The following CDH7 variants were observed in gnomAD, a reference collection of about 807,000 sequenced individuals.
CDH7 encodes cadherin-7.
CDH7 carries 25 observed loss-of-function variants against 71.8 expected under a neutral mutation model. That is an observed-to-expected ratio of 0.35 (90% CI 0.25 to 0.49). CDH7 has a LOEUF of 0.49. CDH7 is among the 20% of genes least tolerant of loss of function. The pLI is 0.99. For synonymous variants in CDH7, 381 were observed against 363.8 expected, an observed-to-expected ratio of 1.05 and a Z score of -0.54; for missense variants, 862 against 974.6, an observed-to-expected ratio of 0.88 and a Z score of 1.54.
chr18:65,813,420 A>G (rs542663421), intron 3 of CDH7, among the ~76,000 whole-genome samples: 1 of 152,372 alleles, frequency 6.6e-6, no homozygotes, highest in Non-Finnish European at 1.5e-5. Context: ...GTAATTTTAA[A>G]GAAAATGGAA....
intron 2 of CDH7, among the ~76,000 whole-genome samples, chr18:65,770,421 C>T (rs1416155870): frequency 6.6e-6 from 1 of 152,004 alleles, no homozygotes; most frequent in Non-Finnish European, 1.5e-5. Context: ...CACTTAGAAT[C>T]CTATAAGTTA....
chr18:65,759,507 C>T (rs920942745), intron 1 of CDH7, among the ~76,000 whole-genome samples: 3 of 151,902 alleles, frequency 2.0e-5, no homozygotes, highest in Non-Finnish European at 4.4e-5. Flanking sequence ...CTGACTTGGC[C>T]TCCCGAAGTG....
At chr18:65,850,899 C>A (rs916332743) in intron 7 of CDH7, among the ~76,000 whole-genome samples, 2 of 151,218 alleles carry the variant, frequency 1.3e-5, no homozygotes, top group South Asian at 4.2e-4. Context: ...GCAACTTCCG[C>A]CTTCTGGGCT....
chr18:65,859,008 T>C lies in CDH7; in HGVS notation c.1456T>C (p.Tyr486His), dbSNP rs1913466415. 2.5e-6 allele frequency: 4 copies of C among 1,613,422 alleles called. No homozygotes were observed. Among genetic ancestry groups the C allele is most frequent in the Non-Finnish European group, 2.5e-6 (3 of 1,179,560 alleles). Residue 486 changes from tyrosine to histidine, a missense_variant, in exon 9 of 12, where the codon TAT (tyrosine) becomes CAT (histidine). Tyr to His is a moderately conservative substitution (Grantham distance 83, BLOSUM62 2). Coordinates refer to ENST00000397968, the MANE Select transcript of CDH7 (RefSeq NM_004361.5). Reference sequence around the variant, plus strand: ...TAACGCCCCTGAATTTGCCATGGACTATGAGACCACCGTCTGTGAAAATGC... The same window carrying C: ...TAACGCCCCTGAATTTGCCATGGACCATGAGACCACCGTCTGTGAAAATGC... ...NDNAPEFAMD[Y>H]ETTVCENAQP...
chr18:65,781,864 T>TTCTC lies in CDH7; in HGVS notation c.210+18824_210+18827dup, dbSNP rs199977503. Among the ~76,000 whole-genome samples, 13 of 54,632 alleles carry TTCTC rather than the reference T, an allele frequency of 2.4e-4. 1 individual carries two copies. Among genetic ancestry groups the TTCTC allele is most frequent in the African/African-American group, 7.4e-4 (5 of 6,764 alleles). 35.8% of individuals were successfully genotyped at this position (54,632 alleles called of 152,430 possible). On this transcript the variant is annotated intron_variant, in intron 2 of 11. Coordinates refer to ENST00000397968, the MANE Select transcript of CDH7 (RefSeq NM_004361.5). ...TTTCTTTCTTTCTTTCTTTCTTTCT[T>TTCTC]TCTCTCTCTCTCTCTGTCTCTCTCT...
chr18:65,760,916 C>T (rs7243232), intron 1 of CDH7, among the ~76,000 whole-genome samples: 1 of 152,100 alleles, frequency 6.6e-6, no homozygotes, highest in Non-Finnish European at 1.5e-5. Flanking sequence ...TTAGTCAGAC[C>T]TACCTACAAT....
chr18:65,854,522 T>TA (rs398120584), intron 7 of CDH7, among the ~76,000 whole-genome samples: 1 of 151,950 alleles, frequency 6.6e-6, no homozygotes, highest in East Asian at 1.9e-4. Context: ...TAATTTTTTT[T>TA]ATTCTAACGC....
chr18:65,811,653 G>A (rs952640807), intron 3 of CDH7, among the ~76,000 whole-genome samples: 2 of 152,088 alleles, frequency 1.3e-5, no homozygotes, highest in African/African-American at 4.8e-5. Context: ...GATTAGTAAC[G>A]TTTAGTAAAA....
intron 2 of CDH7, among the ~76,000 whole-genome samples, chr18:65,802,158 C>T (rs1911146407): frequency 6.6e-6 from 1 of 152,138 alleles, no homozygotes. Context: ...TTCATGGGCC[C>T]AGTGCTTCTC....
intron 6 of CDH7, among the ~76,000 whole-genome samples, chr18:65,839,618 CTT>C (rs1912656388): frequency 1.3e-5 from 2 of 152,136 alleles, no homozygotes; most frequent in African/African-American, 4.8e-5. Flanking sequence ...GTGTACAACT[CTT>C]TGTAGTTAGC....
At chr18:65,808,788 A>T (rs774111837) in intron 2 of CDH7, among the ~76,000 whole-genome samples, 1 of 152,176 alleles carries the variant, frequency 6.6e-6, no homozygotes. Flanking sequence ...GAGTTTTTAC[A>T]TTCATATTAA....
At chr18:65,831,637 C>T (rs1912352591) in intron 6 of CDH7, among the ~76,000 whole-genome samples, 1 of 151,986 alleles carries the variant, frequency 6.6e-6, no homozygotes, top group Non-Finnish European at 1.5e-5. Flanking sequence ...CTACATTATA[C>T]CCTAGATAAA....
intron 6 of CDH7, among the ~76,000 whole-genome samples, chr18:65,842,386 A>G (rs540798322): frequency 1.3e-5 from 2 of 152,064 alleles, no homozygotes; most frequent in South Asian, 4.1e-4. Context: ...ATTGATTTAT[A>G]TATATATATG....
At position 65,885,372 on chromosome 18, in the gene CDH7, G is replaced by GTTTTTTTTTTTTTTTTTTTTTTTTTTTTT. The variant is rs566210376; in HGVS notation, c.*4501_*4502insTTTTTTTTTTTTTTTTTTTTTTTTTTTTT. 5 of 69,446 alleles carry GTTTTTTTTTTTTTTTTTTTTTTTTTTTTT rather than the reference G, an allele frequency of 7.2e-5. 2 individuals are homozygous for GTTTTTTTTTTTTTTTTTTTTTTTTTTTTT. Among genetic ancestry groups the GTTTTTTTTTTTTTTTTTTTTTTTTTTTTT allele is most frequent in the Non-Finnish European group, 1.3e-4 (5 of 37,386 alleles). 4.3% of individuals were successfully genotyped at this position (69,446 alleles called of 1,614,324 possible). ...GTAACTGAAAAGGATGTGTGCCTGTGTTTTTTTTTTTTTTTTTTTTTTTGA... is the reference window on the plus strand; with the variant it reads ...GTAACTGAAAAGGATGTGTGCCTGTGTTTTTTTTTTTTTTTTTTTTTTTTTTTTTTTTTTTTTTTTTTTTTTTTTTTTGA... On this transcript the variant is annotated 3_prime_UTR_variant, in exon 12 of 12. Transcript: ENST00000397968.
At chr18:65,766,728 T>C (rs1191842563) in intron 2 of CDH7, among the ~76,000 whole-genome samples, 1 of 151,796 alleles carries the variant, frequency 6.6e-6, no homozygotes, top group Non-Finnish European at 1.5e-5. Context: ...GATCCTTTCT[T>C]TTCTCCTTTT....
intron 2 of CDH7, among the ~76,000 whole-genome samples, chr18:65,804,822 C>A (rs1240440854): frequency 6.6e-6 from 1 of 151,968 alleles, no homozygotes; most frequent in Non-Finnish European, 1.5e-5. Context: ...GCTCTGTCTC[C>A]TGGGGAACAT....
chr18:65,847,684 C>A (rs1406601447), intron 7 of CDH7, among the ~76,000 whole-genome samples: 1 of 152,028 alleles, frequency 6.6e-6, no homozygotes, highest in Non-Finnish European at 1.5e-5. Context: ...ACTATTGGAA[C>A]CTGGTCATTC....
At chr18:65,850,173 A>ATATATATATATATATAT (rs145348057) in intron 7 of CDH7, among the ~76,000 whole-genome samples, 34 of 65,310 alleles carry the variant, frequency 5.2e-4, no homozygotes, top group African/African-American at 2.2e-3. Flanking sequence ...CACTATATAT[A>ATATATATATATATATAT]ATATATATAT....
At chr18:65,849,916 C>A (rs2144008300) in intron 7 of CDH7, among the ~76,000 whole-genome samples, 1 of 151,918 alleles carries the variant, frequency 6.6e-6, no homozygotes, top group African/African-American at 2.4e-5. Flanking sequence ...GTAATCCCAG[C>A]ATTTTGGGAG....
Sources: allele counts gnomAD v4.1 joint callset (sites outside exome capture counted in the v4.1 genomes callset), GRCh38; gene constraint gnomAD v4.1.1; transcripts MANE v1.5; gene names NCBI Gene and HGNC (gene_info 2026-07-23, HGNC 2026-07-21).